The following CHRNE variants were observed in gnomAD, a reference collection of about 807,000 sequenced individuals.
CHRNE encodes cholinergic receptor nicotinic epsilon subunit.
CHRNE carries 58 observed loss-of-function variants against 56.5 expected under a neutral mutation model. The observed-to-expected ratio is 1.03, with a 90% confidence interval of 0.83 to 1.28. The LOEUF is 1.28. Among genes scored for constraint, CHRNE ranks in the 50% most tolerant of loss-of-function variants. CHRNE has a pLI of 0.00. For missense variants in CHRNE, 793 were observed against 688.9 expected (o/e 1.15, Z -1.69); for synonymous variants, 385 against 297.9 (o/e 1.29, Z -3.01).
Position 4,898,972 on chromosome 17 carries a change from G to A in CHRNE, c.1326+29C>T, listed in dbSNP as rs753221624. On this transcript the variant is annotated intron_variant, in intron 11 of 11. Transcript: ENST00000649488. ...GGAGACAGTGGTGGGCCTCTGCCTCGCTCCACCCGCCTCTGGCTCCTGTCC... is the reference window on the plus strand; with the variant it reads ...GGAGACAGTGGTGGGCCTCTGCCTCACTCCACCCGCCTCTGGCTCCTGTCC... The A allele has an allele frequency of 1.9e-5, 24 of 1,274,182 alleles. No individual in the cohort carries two copies. In the South Asian group the frequency reaches 4.4e-4, roughly 23 times the overall value. 78.9% of individuals were successfully genotyped at this position (1,274,182 alleles called of 1,614,324 possible).
intron 5 of CHRNE, 62 bp downstream of exon 5, chr17:4,901,869 GC>G: frequency 6.5e-7 from 1 of 1,541,692 alleles, no homozygotes; most frequent in Non-Finnish European, 8.9e-7. Flanking sequence ...TTCCCGGTTG[GC>G]CCCGCCCCAT....
In CHRNE at chr17:4,901,960, C is replaced by T. The variant is rs1188570612; in HGVS notation, c.472G>A (p.Asp158Asn). The T allele has an allele frequency of 1.9e-6, 3 of 1,609,786 alleles. No homozygotes were observed. Among genetic ancestry groups the T allele is most frequent in the African/African-American group, 1.3e-5 (1 of 74,742 alleles). ...CAVEVTYFPF[D>N]WQNCSLIFRS... is the part of the protein sequence containing the mutation. ...AAAATAAGCGAACAGTTCTGCCAAT[C>T]GAAGGGGAAGTAGGTGACCTCCACT... The change falls in exon 5 of 12, where the codon GAT becomes AAT. Residue 158 changes from aspartate to asparagine, a missense_variant. Physicochemically the swap from Asp to Asn is conservative, Grantham distance 23 (BLOSUM62 1). Transcript: ENST00000649488.
chr17:4,908,611 G>C (rs1342095942), intron 1 of CHRNE, among the ~76,000 whole-genome samples: 1 of 152,164 alleles, frequency 6.6e-6, no homozygotes, highest in African/African-American at 2.4e-5. Flanking sequence ...GCTAGCCAGG[G>C]CTGATGGTTC....
intron 7 of CHRNE, 22 bp from the exon 8 acceptor site, chr17:4,900,929 G>T (rs776407381): frequency 1.2e-5 from 19 of 1,613,952 alleles, no homozygotes; most frequent in Non-Finnish European, 1.7e-6. Context: ...GCCAGTGAGA[G>T]CGGGCCCCGC....
intron 5 of CHRNE, 42 bp downstream of exon 5, chr17:4,901,890 C>A (rs769616672): frequency 1.4e-5 from 22 of 1,605,440 alleles, no homozygotes; most frequent in East Asian, 4.5e-5. Flanking sequence ...TAAGGCCCCC[C>A]CCCAACAATA....
In CHRNE at chr17:4,899,261, G is replaced by T; in HGVS notation, c.1156C>A (p.Leu386Met). The T allele has an allele frequency of 6.2e-7, 1 of 1,604,718 alleles. No homozygotes were observed. The stretch of plus-strand genomic sequence containing the variant: ...ACGAGCTCGCTCCGTGGCTTTTTCA[G>T]TATCAGCTCCTCCGCGCGGAGCAAT... ...GLLLRAEELI[L>M]KKPRSELVFE... The change falls in exon 10 of 12, where the codon CTG (leucine) becomes ATG (methionine). Residue 386 changes from leucine to methionine, a missense_variant. Coordinates refer to ENST00000649488, the MANE Select transcript of CHRNE (RefSeq NM_000080.4).
At chr17:4,900,064 G>A (rs768327627) in intron 8 of CHRNE, 3 of 1,551,058 alleles carry the variant, frequency 1.9e-6, no homozygotes, top group African/African-American at 2.7e-5. Context: ...AGGGGATGCT[G>A]CCTGCCCCGA....
chr17:4,907,062 G>A (rs1261955656), upstream of CHRNE, among the ~76,000 whole-genome samples: 3 of 152,162 alleles, frequency 2.0e-5, no homozygotes, highest in African/African-American at 7.2e-5. Context: ...GTAGTGGGCA[G>A]GTAGGTGGAT....
At chr17:4,900,597 G>T in intron 8 of CHRNE, 196 bp downstream of exon 8, 1 of 1,540,924 alleles carries the variant, frequency 6.5e-7, no homozygotes. Context: ...AGCTACTCGG[G>T]AGACCTCCAG....
upstream of CHRNE, among the ~76,000 whole-genome samples, chr17:4,907,111 G>A (rs561905114): frequency 1.2e-4 from 18 of 151,982 alleles, no homozygotes; most frequent in Non-Finnish European, 2.2e-4. Context: ...AATAGAATAA[G>A]ACCTACTATT....
Position 4,901,541 on chromosome 17 carries a change from G to A in CHRNE, c.585C>T (p.Asp195=), listed in dbSNP as rs954677814. The part of the protein sequence containing the change: ...DGKTINKIDI[D]TEAYTENGEW... ...GGGCTTCACCAGTATAGGCCTCTGT[G>A]TCGATGTCGATCTTGTTGATGGTCT... The change falls in exon 6 of 12, where the codon GAC becomes GAT. Residue 195 remains aspartate (D), a synonymous_variant. Coordinates refer to ENST00000649488, the MANE Select transcript of CHRNE (RefSeq NM_000080.4). 2.5e-6 allele frequency: 4 copies of A among 1,614,054 alleles called. No individual in the cohort carries two copies. The Admixed American group carries it at 5.0e-5, about 20-fold the overall frequency.
Position 4,902,902 on chromosome 17 carries a change from G to A in CHRNE, c.46+116C>T, listed in dbSNP as rs2151099069. 6.3e-7 allele frequency: 1 copy of A among 1,579,032 alleles called. No homozygotes were observed. Among genetic ancestry groups the A allele is most frequent in the East Asian group, 2.2e-5 (1 of 44,694 alleles). ...CTGTCTCCTAAACCAATTATGCTGTGCCTGGGAACGAAATACTGTGTCTAA... is the reference window on the plus strand; with the variant it reads ...CTGTCTCCTAAACCAATTATGCTGTACCTGGGAACGAAATACTGTGTCTAA... On this transcript the variant is annotated intron_variant, in intron 1 of 11. Transcript: ENST00000649488. The surrounding 1 kb of genome is among the most constrained non-coding windows in gnomAD (Gnocchi z 4.0).
upstream of CHRNE, among the ~76,000 whole-genome samples, chr17:4,905,398 AAAC>A (rs968108180): frequency 1.3e-5 from 2 of 152,050 alleles, no homozygotes; most frequent in South Asian, 4.2e-4. Context: ...AAAAATAAAT[AAAC>A]AACAACAAAA....
At position 4,898,592 on chromosome 17, in the gene CHRNE, A is replaced by G. The variant is rs12936083; in HGVS notation, c.*144T>C. The G allele has an allele frequency of 0.38, 433,257 of 1,134,788 alleles. 90,716 individuals are homozygous for G. Among genetic ancestry groups the G allele is most frequent in the African/African-American group, 0.7 (45,851 of 65,214 alleles). The allele number at this position is 1,134,788 out of a possible 1,614,324, so 70.3% of individuals were successfully genotyped here. A position where few individuals can be genotyped will look rare whatever the true frequency, so the allele number is the denominator to read the frequency against. On this transcript the variant is annotated 3_prime_UTR_variant, in exon 12 of 12. Coordinates refer to ENST00000649488, the MANE Select transcript of CHRNE (RefSeq NM_000080.4). The stretch of plus-strand genomic sequence containing the variant: ...CGGCCAGGCCTACACACGCCAGGGA[A>G]CGGGCACACACCATTCTTGTGAAGT...
At chr17:4,901,753 C>A (rs901617324) in intron 5 of CHRNE, 128 bp from the exon 6 acceptor site, 3 of 1,245,468 alleles carry the variant, frequency 2.4e-6, no homozygotes, top group Admixed American at 1.9e-5. Context: ...AAGCCCAGCC[C>A]GCACGCCTCT....
chr17:4,904,358 C>T (rs533806423), upstream of CHRNE, among the ~76,000 whole-genome samples: 13 of 152,170 alleles, frequency 8.5e-5, no homozygotes, highest in African/African-American at 2.4e-4. Context: ...CCACCACGCC[C>T]GGCCTCAGTG....
chr17:4,899,510 C>A lies in CHRNE; in HGVS notation c.990G>T (p.Gln330His). The change falls in exon 9 of 12, where the codon CAG (glutamine) becomes CAT (histidine). Residue 330 changes from glutamine to histidine, a missense_variant. Physicochemically the swap from Gln to His is conservative, Grantham distance 24 (BLOSUM62 0). Coordinates refer to ENST00000649488, the MANE Select transcript of CHRNE (RefSeq NM_000080.4). ...ACATGGCGTGGGTGGTGGGCGTCCG[C>A]TGGGACACGTTGAGCACGATGACGC... ...MNCVIVLNVS[Q>H]RTPTTHAMSP... is the part of the protein sequence containing the mutation. 2 of 1,604,168 alleles carry A rather than the reference C, an allele frequency of 1.2e-6. No homozygotes were observed. The highest frequency in any genetic ancestry group is 1.7e-6 in the Non-Finnish European group (2 of 1,176,552).
rs1970013200 is a variant in CHRNE at position 4,902,159 on chromosome 17, G to A, written c.344+58C>T. ...TCAGAGTACCCCCTTCCCCAACCAA[G>A]TCCAGCCCGCACCCCAGGCCGGCTT... On this transcript the variant is annotated intron_variant, in intron 4 of 11. Coordinates refer to ENST00000649488, the MANE Select transcript of CHRNE (RefSeq NM_000080.4). The surrounding 1 kb of genome is among the most constrained non-coding windows in gnomAD (Gnocchi z 4.0). 2 of 1,613,764 alleles carry A rather than the reference G, an allele frequency of 1.2e-6. No individual in the cohort carries two copies. Among genetic ancestry groups the A allele is most frequent in the South Asian group, 1.1e-5 (1 of 91,072 alleles).
upstream of CHRNE, among the ~76,000 whole-genome samples, chr17:4,907,441 G>A (rs1274792329): frequency 2.0e-5 from 3 of 151,322 alleles, no homozygotes; most frequent in Non-Finnish European, 4.4e-5. Context: ...GGTGGCGGGC[G>A]CCTGTAGTCC....
Sources: allele counts gnomAD v4.1 joint callset (sites outside exome capture counted in the v4.1 genomes callset), GRCh38; gene constraint gnomAD v4.1.1; non-coding constraint Gnocchi (gnomAD v3.1); transcripts MANE v1.5; gene names NCBI Gene and HGNC (gene_info 2026-07-23, HGNC 2026-07-21).